The following ELMOD1 variants were observed in gnomAD, a reference collection of about 807,000 sequenced individuals.
ELMOD1 encodes ELMO domain containing 1.
A neutral mutation model predicts 46.7 loss-of-function variants in ELMOD1; 21 were observed. The ratio of observed to expected loss-of-function variants is 0.45; its 90% CI spans 0.32 to 0.65. The LOEUF (loss-of-function observed/expected upper bound fraction) is 0.65. ELMOD1 is among the 30% of genes least tolerant of loss of function. The probability of loss-of-function intolerance (pLI) is 0.04; values close to 1 mark genes in which losing one functional copy is unlikely to be tolerated. For synonymous variants in ELMOD1, 122 were observed against 138.2 expected (o/e 0.88, Z 0.82); for missense variants, 348 against 407.8 (o/e 0.85, Z 1.26).
chr11:107,653,973 A>G (rs1042006098), intron 9 of ELMOD1, 199 bp from the exon 10 acceptor site: 5 of 574,858 alleles, frequency 8.7e-6, no homozygotes, highest in Non-Finnish European at 1.6e-5. Flanking sequence ...ACTAAAGTGG[A>G]TAGGAGGTAA....
chr11:107,633,210 C>T (rs896855265), intron 5 of ELMOD1, among the ~76,000 whole-genome samples: 1 of 152,018 alleles, frequency 6.6e-6, no homozygotes, highest in African/African-American at 2.4e-5. Flanking sequence ...TTTTAAATCT[C>T]CATGTGGATT....
chr11:107,625,163 T>G (rs1866019685), intron 2 of ELMOD1, among the ~76,000 whole-genome samples: 1 of 152,168 alleles, frequency 6.6e-6, no homozygotes, highest in South Asian at 2.1e-4. Flanking sequence ...ATGGTCCCAT[T>G]TACTAGGCAA....
chr11:107,658,647 GAA>G lies in ELMOD1; in HGVS notation c.832+2584_832+2585del, dbSNP rs1461213922. On this transcript the variant is annotated intron_variant, in intron 11 of 11. Coordinates refer to ENST00000265840, the MANE Select transcript of ELMOD1 (RefSeq NM_018712.4). The stretch of plus-strand genomic sequence containing the variant: ...GTAAAGGTACTGCTTCTAAAAATTG[GAA>G]AAGTTGCCGGCACAGTGGCTCACAC... 2.0e-5 allele frequency among the ~76,000 whole-genome samples: 3 copies of G among 152,176 alleles called. No homozygotes were observed. In the East Asian group the frequency reaches 5.8e-4, roughly 29 times the overall value.
At position 107,665,072 on chromosome 11, in the gene ELMOD1, A is replaced by G. The variant is rs1467925427; in HGVS notation, c.880A>G (p.Met294Val). The change falls in exon 12 of 12, where the codon ATG becomes GTG. Residue 294 changes from methionine (M) to valine (V), a missense_variant. Physicochemically the swap from Met to Val is conservative, Grantham distance 21. Transcript: ENST00000265840. ...FHKFWIEEDP[M>V]DIMEFNRVRE... is the part of the protein sequence containing the mutation. ...TAAGTTTTGGATCGAAGAGGACCCC[A>G]TGGACATAATGGAATTTAATCGTGT... The G allele has an allele frequency of 1.2e-6, 2 of 1,613,922 alleles. No homozygotes were observed. The highest frequency in any genetic ancestry group is 8.5e-7 in the Non-Finnish European group (1 of 1,179,858).
intron 11 of ELMOD1, among the ~76,000 whole-genome samples, chr11:107,659,707 A>ATGGATGGC (rs1565392894): frequency 8.9e-5 from 12 of 134,490 alleles, no homozygotes; most frequent in East Asian, 2.6e-4. Context: ...GGATGGATGG[A>ATGGATGGC]TGGCTAAAAT....
At position 107,618,218 on chromosome 11, in the gene ELMOD1, C is replaced by CG. The variant is rs997493972; in HGVS notation, c.17+14dup. The CG allele has an allele frequency of 1.0e-5, 16 of 1,560,566 alleles. No homozygotes were observed. The Admixed American group carries it at 1.2e-4, about 11-fold the overall frequency. On this transcript the variant is annotated intron_variant, in intron 2 of 11. Coordinates refer to ENST00000265840, the MANE Select transcript of ELMOD1 (RefSeq NM_018712.4). ...AAGCACTTCCTGAGGTATGTGTTTACGGTTCCCTGGCTGAGCCCTCTGCAG... is the reference window on the plus strand; with the variant it reads ...AAGCACTTCCTGAGGTATGTGTTTACGGGTTCCCTGGCTGAGCCCTCTGCAG...
intron 2 of ELMOD1, chr11:107,620,095 T>C (rs1334139248): frequency 6.6e-6 from 1 of 152,216 alleles, no homozygotes; most frequent in Non-Finnish European, 1.5e-5. Context: ...AAAGAGAAGG[T>C]TATGTAAGCA....
intron 8 of ELMOD1, 59 bp from the exon 9 acceptor site, chr11:107,650,826 A>G (rs1417739491): frequency 2.2e-5 from 23 of 1,036,460 alleles, no homozygotes; most frequent in Non-Finnish European, 3.1e-5. Flanking sequence ...AAAATTCTAG[A>G]TTCTAAATTG....
At chr11:107,654,357 G>A in intron 10 of ELMOD1, 135 bp downstream of exon 10, 1 of 760,248 alleles carries the variant, frequency 1.3e-6, no homozygotes, top group Non-Finnish European at 2.2e-6. Context: ...AATGTTTAAA[G>A]TACCCTTCTA....
chr11:107,625,029 A>T (rs1866017456), intron 2 of ELMOD1, among the ~76,000 whole-genome samples: 2 of 152,170 alleles, frequency 1.3e-5, no homozygotes, highest in Admixed American at 1.3e-4. Context: ...CCCCTGCTCT[A>T]CAGGAAGGAA....
chr11:107,654,178 C>A lies in ELMOD1; in HGVS notation c.654C>A (p.Phe218Leu). ...RDITKEEISKFSKAEWEKKRM... is the reference protein window; with the variant it reads ...RDITKEEISKLSKAEWEKKRM... ...TATTCATTCATCCATTCAGCAAATT[C>A]AGCAAAGCAGAATGGGAGAAGAAAA... is the stretch of plus-strand genomic sequence containing the variant. Residue 218 changes from phenylalanine (F) to leucine (L), a missense_variant, in exon 10 of 12, where the codon TTC (phenylalanine) becomes TTA (leucine). Phe to Leu is a conservative substitution (Grantham distance 22, BLOSUM62 0). Transcript: ENST00000265840. The A allele has an allele frequency of 6.3e-7, 1 of 1,584,030 alleles. No individual in the cohort carries two copies. Among genetic ancestry groups the A allele is most frequent in the Non-Finnish European group, 8.6e-7 (1 of 1,164,012 alleles).
chr11:107,650,696 G>A (rs915431474), intron 8 of ELMOD1, among the ~76,000 whole-genome samples, 189 bp from the exon 9 acceptor site: 1 of 152,170 alleles, frequency 6.6e-6, no homozygotes, highest in Non-Finnish European at 1.5e-5. Context: ...GGGTCTGGGG[G>A]AAAGAGTCCA....
intron 6 of ELMOD1, among the ~76,000 whole-genome samples, chr11:107,646,216 GAAAACTAA>G (rs1866423981): frequency 6.7e-6 from 1 of 149,650 alleles, no homozygotes; most frequent in Non-Finnish European, 1.5e-5. Flanking sequence ...TCTTTCTACA[GAAAACTAA>G]AAAATAGAAC....
chr11:107,662,132 G>T (rs1013186426), intron 11 of ELMOD1, among the ~76,000 whole-genome samples: 1 of 152,190 alleles, frequency 6.6e-6, no homozygotes, highest in Non-Finnish European at 1.5e-5. Flanking sequence ...GAATGAGGAA[G>T]AACCTTTATT....
At chr11:107,640,307 T>C (rs1247478198) in intron 6 of ELMOD1, among the ~76,000 whole-genome samples, 1 of 152,254 alleles carries the variant, frequency 6.6e-6, no homozygotes, top group East Asian at 1.9e-4. Flanking sequence ...GTTTAGCCTT[T>C]CAATATTTAG....
At chr11:107,603,013 G>C (rs974516725) in intron 1 of ELMOD1, among the ~76,000 whole-genome samples, 12 of 152,178 alleles carry the variant, frequency 7.9e-5, no homozygotes, top group Non-Finnish European at 1.8e-4. Context: ...TCTGGGAGTT[G>C]AGTGGGAGAA....
intron 6 of ELMOD1, among the ~76,000 whole-genome samples, chr11:107,637,029 A>G (rs189348178): frequency 9.8e-5 from 15 of 152,378 alleles, no homozygotes; most frequent in African/African-American, 3.6e-4. Context: ...GCTAGGCACC[A>G]TCTTTAGCTG....
At chr11:107,611,704 C>CAAA (rs71470853) in intron 1 of ELMOD1, among the ~76,000 whole-genome samples, 14 of 55,786 alleles carry the variant, frequency 2.5e-4, no homozygotes, top group African/African-American at 3.5e-4. Context: ...GACTCCATCT[C>CAAA]AAAAAAAAAA....
rs769114478 is a variant in ELMOD1, at chr11:107,665,241, T to G, written c.*44T>G. On this transcript the variant is annotated 3_prime_UTR_variant, in exon 12 of 12. Coordinates refer to ENST00000265840, the MANE Select transcript of ELMOD1 (RefSeq NM_018712.4). ...ATGGATACCCTGGAACACTGCCTCATTGTCTTGTTAGATCTCTGCTTAGGT... is the reference window on the plus strand; with the variant it reads ...ATGGATACCCTGGAACACTGCCTCAGTGTCTTGTTAGATCTCTGCTTAGGT... 1.5e-5 allele frequency: 24 copies of G among 1,592,270 alleles called. No homozygotes were observed. The highest frequency in any genetic ancestry group is 2.1e-5 in the Non-Finnish European group (24 of 1,165,474).
Sources: allele counts gnomAD v4.1 joint callset (sites outside exome capture counted in the v4.1 genomes callset), GRCh38; gene constraint gnomAD v4.1.1; transcripts MANE v1.5; gene names NCBI Gene and HGNC (gene_info 2026-07-23, HGNC 2026-07-21).